The following SPATA31C2 variants were observed in gnomAD, a reference collection of about 807,000 sequenced individuals.
SPATA31C2 encodes spermatogenesis-associated protein 31C2.
In SPATA31C2, 5 loss-of-function variants were observed where a neutral mutation model predicts 11.4. That is an observed-to-expected ratio of 0.44 (90% confidence interval 0.23 to 0.92). SPATA31C2 has a LOEUF of 0.92. Ranked by LOEUF, SPATA31C2 falls within the 40% of genes least tolerant of loss-of-function variation. The pLI, the probability that SPATA31C2 is intolerant of heterozygous loss-of-function variation, is 0.24. For synonymous variants in SPATA31C2, 515 were observed against 538.7 expected (o/e 0.96, Z 0.61); for missense variants, 1,353 against 1,368.6 (o/e 0.99, Z 0.18).
chr9:88,131,569 G>T lies in SPATA31C2; in HGVS notation c.1468C>A (p.Gln490Lys), dbSNP rs1203649702. Residue 490 changes from glutamine (Q) to lysine (K), a missense_variant, in exon 4 of 4, where the codon CAG (glutamine) becomes AAG (lysine). Coordinates refer to ENST00000324915, the MANE Select transcript of SPATA31C2 (RefSeq NM_001350978.3). ...SQAKGKPRPWQSSTSTGESSK... is the reference protein window; with the variant it reads ...SQAKGKPRPWKSSTSTGESSK... ...CTTTCACCTGTGGACGTGGAGGACT[G>T]CCAGGGCCTGGGTTTGCCCTTGGCC... is the stretch of plus-strand genomic sequence containing the variant. 1 of 1,611,680 alleles carries T rather than the reference G, an allele frequency of 6.2e-7. No individual in the cohort carries two copies. The highest frequency in any genetic ancestry group is 8.5e-7 in the Non-Finnish European group (1 of 1,179,760).
chr9:88,136,214 T>C (rs1222386607), intron 1 of SPATA31C2, among the ~76,000 whole-genome samples: 1 of 144,864 alleles, frequency 6.9e-6, no homozygotes, highest in Non-Finnish European at 1.5e-5. Flanking sequence ...ATTACAGGCG[T>C]GAGCCACCGT....
rs1563964873 is a variant in SPATA31C2, at chr9:88,137,989, G to GAGACC, written c.189+268_189+269insGGTCT. 9.1e-4 allele frequency among the ~76,000 whole-genome samples: 98 copies of GAGACC among 107,912 alleles called. No individual in the cohort carries two copies. The East Asian group carries it at 0.022, about 25-fold the overall frequency. The allele number at this position is 107,912 out of a possible 152,430, so 70.8% of individuals were successfully genotyped here. On this transcript the variant is annotated intron_variant, in intron 1 of 3. Coordinates refer to ENST00000324915, the MANE Select transcript of SPATA31C2 (RefSeq NM_001350978.3). Reference sequence around the variant, plus strand: ...AGAGACCTCCCCCGTCTCATGACCGGTCCTGGCCGCTGAGCCCACGGGTTT... The same window carrying GAGACC: ...AGAGACCTCCCCCGTCTCATGACCGGAGACCTCCTGGCCGCTGAGCCCACGGGTTT...
In SPATA31C2 at chr9:88,130,702, C is replaced by T. The variant is rs561482663; in HGVS notation, c.2335G>A (p.Gly779Ser). 6.2e-7 allele frequency: 1 copy of T among 1,613,932 alleles called. No homozygotes were observed. The highest frequency in any genetic ancestry group is 8.5e-7 in the Non-Finnish European group (1 of 1,179,870). Residue 779 changes from glycine to serine, a missense_variant, in exon 4 of 4, where the codon GGC becomes AGC. Physicochemically the swap from Gly to Ser is moderately conservative, Grantham distance 56. Transcript: ENST00000324915. ...PSKPLTYSLT[G>S]STQQSRSLGA... ...AAGCTCCTGCTCTGCTGGGTGCTGCCTGTGAGGCTGTATGTGAGGGGCTTA... is the reference window on the plus strand; with the variant it reads ...AAGCTCCTGCTCTGCTGGGTGCTGCTTGTGAGGCTGTATGTGAGGGGCTTA...
chr9:88,130,147 A>C lies in SPATA31C2; in HGVS notation c.2890T>G (p.Leu964Val). ...TGAAACATTTCTTCATGTTTTTCTA[A>C]GTTGGGCTTCCTAGAGTTCTCCCTC... is the stretch of plus-strand genomic sequence containing the variant. The part of the protein sequence containing the change: ...HKRENSRKPN[L>V]EKHEEMFQGL... The change falls in exon 4 of 4, where the codon TTA (leucine) becomes GTA (valine). Residue 964 changes from leucine (L) to valine (V), a missense_variant. Transcript: ENST00000324915. 1.9e-6 allele frequency: 3 copies of C among 1,608,390 alleles called. No individual in the cohort carries two copies. Among genetic ancestry groups the C allele is most frequent in the Non-Finnish European group, 2.5e-6 (3 of 1,177,710 alleles).
At chr9:88,133,864 G>A (rs570155313) in intron 1 of SPATA31C2, among the ~76,000 whole-genome samples, 195 bp from the exon 2 acceptor site, 78 of 152,242 alleles carry the variant, frequency 5.1e-4, no homozygotes, top group Admixed American at 3.9e-3. Context: ...AGAGGGGGTC[G>A]GGTGCAGTGG....
chr9:88,131,258 G>C lies in SPATA31C2; in HGVS notation c.1779C>G (p.Pro593=), dbSNP rs768108308. ...CAAGCCAGGATCGACGCACACTCACGGGGATCAAGCCCTCGTTGGTCTGGC... is the reference window on the plus strand; with the variant it reads ...CAAGCCAGGATCGACGCACACTCACCGGGATCAAGCCCTCGTTGGTCTGGC... ...KLGQTNEGLI[P]VSVRRSWLAV... The change falls in exon 4 of 4, where the codon CCC becomes CCG. Residue 593 remains proline (P), a synonymous_variant. Transcript: ENST00000324915. 1.2e-6 allele frequency: 2 copies of C among 1,611,886 alleles called. No homozygotes were observed. Among genetic ancestry groups the C allele is most frequent in the Admixed American group, 1.7e-5 (1 of 60,006 alleles).
In SPATA31C2 at chr9:88,129,713, C is replaced by T. The variant is rs375759028; in HGVS notation, c.3324G>A (p.Leu1108=). Residue 1108 remains leucine, a synonymous_variant, in exon 4 of 4, where the codon CTG becomes CTA. Transcript: ENST00000324915. ...CTTGTTGACTGCTGGCTGCATAGCT[C>T]AGCATTCTGCTGTGTTCTGAGTAGA... ...HPFYSEHSRM[L]SYAASSQQAT... 1.2e-6 allele frequency: 2 copies of T among 1,603,296 alleles called. No individual in the cohort carries two copies. Among genetic ancestry groups the T allele is most frequent in the African/African-American group, 1.3e-5 (1 of 74,754 alleles).
In SPATA31C2 at chr9:88,130,772, C is replaced by A. The variant is rs550098724; in HGVS notation, c.2265G>T (p.Gly755=). Residue 755 remains glycine, a synonymous_variant, in exon 4 of 4, where the codon GGG becomes GGT. Transcript: ENST00000324915. ...PRGIPSSNDH[G]SLKAPTAGQE... is the part of the protein sequence containing the mutation. ...GTCCAGCTGTAGGAGCCTTCAAGGA[C>A]CCATGATCATTCGAAGATGGGATCC... 1.9e-6 allele frequency: 3 copies of A among 1,613,214 alleles called. No homozygotes were observed. In the African/African-American group the frequency reaches 4.0e-5, roughly 22 times the overall value.
Position 88,132,435 on chromosome 9 carries a change from T to G in SPATA31C2, c.602A>C (p.His201Pro), listed in dbSNP as rs644131. ...AAGTGCAGGTGGCTCGGGTGAGGGA[T>G]GTTCTAGGAGAAGGGAAGGTTCTGG... ...QPPEPSLLLE[H>P]PSPEPPALFP... is the part of the protein sequence containing the mutation. Residue 201 changes from histidine to proline, a missense_variant, in exon 4 of 4, where the codon CAT becomes CCT. By Grantham distance (77) the His-to-Pro change is moderately conservative. Coordinates refer to ENST00000324915, the MANE Select transcript of SPATA31C2 (RefSeq NM_001350978.3). 6.2e-7 allele frequency: 1 copy of G among 1,611,002 alleles called. No homozygotes were observed. The highest frequency in any genetic ancestry group is 8.5e-7 in the Non-Finnish European group (1 of 1,178,036).
chr9:88,137,482 CGTG>C (rs1563964713), intron 1 of SPATA31C2, among the ~76,000 whole-genome samples: 1 of 144,292 alleles, frequency 6.9e-6, no homozygotes, highest in Admixed American at 7.6e-5. Flanking sequence ...ATTAGCCAGG[CGTG>C]GTGGCGGGCG....
At position 88,130,997 on chromosome 9, in the gene SPATA31C2, C is replaced by G. The variant is rs1445835548; in HGVS notation, c.2040G>C (p.Leu680Phe). 6.2e-7 allele frequency: 1 copy of G among 1,612,170 alleles called. No individual in the cohort carries two copies. Among genetic ancestry groups the G allele is most frequent in the African/African-American group, 1.3e-5 (1 of 74,858 alleles). Reference protein sequence around the residue: ...QCFQLEKVSSLSLIQLAGPSS... With the variant: ...QCFQLEKVSSFSLIQLAGPSS... ...AGGGACCAGCAAGCTGTATAAGGGA[C>G]AAGGATGAAACCTTTTCCAGTTGAA... Residue 680 changes from leucine (L) to phenylalanine (F), a missense_variant, in exon 4 of 4, where the codon TTG becomes TTC. Leu to Phe is a conservative substitution (Grantham distance 22). Coordinates refer to ENST00000324915, the MANE Select transcript of SPATA31C2 (RefSeq NM_001350978.3).
At chr9:88,133,985 C>T (rs1023831360) in intron 1 of SPATA31C2, among the ~76,000 whole-genome samples, 1 of 151,916 alleles carries the variant, frequency 6.6e-6, no homozygotes, top group Non-Finnish European at 1.5e-5. Flanking sequence ...GAAACCCCAT[C>T]TCTACTAAAA....
At position 88,131,658 on chromosome 9, in the gene SPATA31C2, C is replaced by G. The variant is rs761771244; in HGVS notation, c.1379G>C (p.Arg460Pro). Residue 460 changes from arginine to proline, a missense_variant, in exon 4 of 4, where the codon CGT becomes CCT. This residue lies in a region of SPATA31C2 where 1,075 missense variants were observed against 992.8 expected (regional missense o/e 1.08). Transcript: ENST00000324915. ...WRQLEQHMGQ[R>P]GRIQESLDLM... ...ATCCAGAGACTCTTGGATCCTTCCA[C>G]GTTGCCCCATGTGTTGCTCCAGTTG... is the stretch of plus-strand genomic sequence containing the variant. The G allele has an allele frequency of 9.7e-5, 156 of 1,611,666 alleles. No homozygotes were observed. The African/African-American group carries it at 2.0e-3, about 20-fold the overall frequency.
Position 88,130,951 on chromosome 9 carries a change from C to T in SPATA31C2, c.2086G>A (p.Gly696Arg), listed in dbSNP as rs535461828. The T allele has an allele frequency of 1.0e-4, 168 of 1,613,282 alleles. No homozygotes were observed. The Admixed American group carries it at 1.2e-3, about 11-fold the overall frequency. Residue 696 changes from glycine (G) to arginine (R), a missense_variant, in exon 4 of 4, where the codon GGG (glycine) becomes AGG (arginine). Physicochemically the swap from Gly to Arg is moderately radical, Grantham distance 125. Around this residue, in one of 6 missense-constraint regions of SPATA31C2, gnomAD observed 1,075 missense variants for 992.8 expected, o/e 1.08. Transcript: ENST00000324915. ...GCCACCTCAACTTTTGAGCCAGCCC[C>T]AGATTCGCAGGTGTCTGAGGAGGGA... is the stretch of plus-strand genomic sequence containing the variant. ...AGPSSDTCESGAGSKVEVATF... is the reference protein window; with the variant it reads ...AGPSSDTCESRAGSKVEVATF...
chr9:88,131,230 C>G lies in SPATA31C2; in HGVS notation c.1807G>C (p.Val603Leu), dbSNP rs574008394. The change falls in exon 4 of 4, where the codon GTC becomes CTC. Residue 603 changes from valine (V) to leucine (L), a missense_variant. Physicochemically the swap from Val to Leu is conservative, Grantham distance 32. Around this residue, in one of 6 missense-constraint regions of SPATA31C2, gnomAD observed 1,075 missense variants for 992.8 expected, o/e 1.08. Transcript: ENST00000324915. ...PVSVRRSWLAVNQAFPVSNTH... is the reference protein window; with the variant it reads ...PVSVRRSWLALNQAFPVSNTH... ...TTGGAGACGGGAAAAGCCTGGTTGACAGCAAGCCAGGATCGACGCACACTC... is the reference window on the plus strand; with the variant it reads ...TTGGAGACGGGAAAAGCCTGGTTGAGAGCAAGCCAGGATCGACGCACACTC... 5 of 1,611,922 alleles carry G rather than the reference C, an allele frequency of 3.1e-6. No individual in the cohort carries two copies. Among genetic ancestry groups the G allele is most frequent in the Non-Finnish European group, 4.2e-6 (5 of 1,179,874 alleles).
chr9:88,133,524 T>C, intron 2 of SPATA31C2, 70 bp downstream of exon 2: 7 of 1,580,638 alleles, frequency 4.4e-6, no homozygotes, highest in Non-Finnish European at 6.0e-6. Context: ...TCAACTGACT[T>C]CTTCAGAGTC....
Position 88,130,999 on chromosome 9 carries a change from A to C in SPATA31C2, c.2038T>G (p.Leu680Val). Reference protein sequence around the residue: ...QCFQLEKVSSLSLIQLAGPSS... With the variant: ...QCFQLEKVSSVSLIQLAGPSS... ...GGACCAGCAAGCTGTATAAGGGACA[A>C]GGATGAAACCTTTTCCAGTTGAAAG... is the stretch of plus-strand genomic sequence containing the variant. The change falls in exon 4 of 4, where the codon TTG (leucine) becomes GTG (valine). Residue 680 changes from leucine to valine, a missense_variant. By Grantham distance (32) the Leu-to-Val change is conservative. Coordinates refer to ENST00000324915, the MANE Select transcript of SPATA31C2 (RefSeq NM_001350978.3). 1 of 1,612,328 alleles carries C rather than the reference A, an allele frequency of 6.2e-7. No individual in the cohort carries two copies. Among genetic ancestry groups the C allele is most frequent in the East Asian group, 2.2e-5 (1 of 44,874 alleles).
rs1401262622 is a variant in SPATA31C2 at position 88,129,699 on chromosome 9, C to A, written c.3338G>T (p.Ser1113Ile). ...EHSRMLSYAA[S>I]SQQATLKNQS... Reference sequence around the variant, plus strand: ...GTTCTTGAGAGTGGCTTGTTGACTGCTGGCTGCATAGCTCAGCATTCTGCT... The same window carrying A: ...GTTCTTGAGAGTGGCTTGTTGACTGATGGCTGCATAGCTCAGCATTCTGCT... Residue 1113 changes from serine to isoleucine, a missense_variant, in exon 4 of 4, where the codon AGC becomes ATC. Ser to Ile is a moderately radical substitution (Grantham distance 142). Transcript: ENST00000324915. The A allele has an allele frequency of 2.5e-6, 4 of 1,603,542 alleles. No individual in the cohort carries two copies. Among genetic ancestry groups the A allele is most frequent in the Middle Eastern group, 1.7e-4 (1 of 5,994 alleles).
rs1300426667 is a variant in SPATA31C2 at position 88,130,307 on chromosome 9, C to G, written c.2730G>C (p.Gly910=). The G allele has an allele frequency of 1.9e-6, 3 of 1,608,808 alleles. No individual in the cohort carries two copies. The highest frequency in any genetic ancestry group is 8.5e-7 in the Non-Finnish European group (1 of 1,179,058). ...PQGHLQSMPT[G]NMQASQELCD... ...ATAGCTCCTGGGAAGCCTGCATGTT[C>G]CCAGTAGGCATGCTCTGGAGATGGC... Residue 910 remains glycine, a synonymous_variant, in exon 4 of 4, where the codon GGG becomes GGC. Transcript: ENST00000324915.
Sources: allele counts gnomAD v4.1 joint callset (sites outside exome capture counted in the v4.1 genomes callset), GRCh38; gene constraint gnomAD v4.1.1; regional missense constraint gnomAD v4.1.1; transcripts MANE v1.5; gene names NCBI Gene and HGNC (gene_info 2026-07-23, HGNC 2026-07-21).